Variants in SLC2A13 observed in about 807,000 individuals in gnomAD.
SLC2A13 encodes proton myo-inositol cotransporter.
A neutral mutation model predicts 64.4 loss-of-function variants in SLC2A13; 32 were observed. The ratio of observed to expected loss-of-function variants is 0.50; its 90% CI spans 0.37 to 0.67. The LOEUF is 0.67. SLC2A13 is among the 30% of genes least tolerant of loss of function. The pLI is 0.00. For missense variants in SLC2A13, 743 were observed against 829.2 expected (o/e 0.90, Z 1.28); for synonymous variants, 338 against 327.1 (o/e 1.03, Z -0.36).
intron 6 of SLC2A13, among the ~76,000 whole-genome samples, chr12:39,845,844 G>A (rs768428540): frequency 1.2e-4 from 19 of 152,108 alleles, no homozygotes; most frequent in Non-Finnish European, 2.2e-4. Flanking sequence ...ACCAATGTTA[G>A]CACACAGTGG....
intron 4 of SLC2A13, among the ~76,000 whole-genome samples, chr12:39,875,905 T>G (rs1400615131): frequency 6.6e-6 from 1 of 152,208 alleles, no homozygotes; most frequent in African/African-American, 2.4e-5. Flanking sequence ...TAGTTTGCAT[T>G]TTCAAGGGAC....
intron 1 of SLC2A13, among the ~76,000 whole-genome samples, chr12:40,079,236 C>T (rs1310351782): frequency 6.6e-6 from 1 of 152,096 alleles, no homozygotes; most frequent in Non-Finnish European, 1.5e-5. Flanking sequence ...TGAGCTCTAA[C>T]TTGATGTAAG....
Position 39,888,339 on chromosome 12 carries a change from C to G in SLC2A13, c.1035-16378G>C, listed in dbSNP as rs181075982. On this transcript the variant is annotated intron_variant, in intron 4 of 9. Transcript: ENST00000280871. ...TCCCAGGTTCAAGCAATTCTCCTGT[C>G]TCAGCTTCCCGAGCAGCTGGGACTA... 3.9e-3 allele frequency among the ~76,000 whole-genome samples: 591 copies of G among 152,320 alleles called. 2 individuals are homozygous for G. The highest frequency in any genetic ancestry group is 6.6e-3 in the Non-Finnish European group (449 of 68,040).
intron 1 of SLC2A13, among the ~76,000 whole-genome samples, chr12:40,094,487 AAAG>A (rs1163476761): frequency 2.0e-5 from 3 of 152,198 alleles, no homozygotes; most frequent in Non-Finnish European, 4.4e-5. Context: ...TCCAAAAGCC[AAAG>A]AAAATGGCCC....
chr12:39,760,744 G>T (rs1016022305), intron 9 of SLC2A13, among the ~76,000 whole-genome samples: 2 of 151,714 alleles, frequency 1.3e-5, no homozygotes, highest in Admixed American at 1.3e-4. Context: ...ATTTTGTTTT[G>T]CTGTAAGATT....
intron 1 of SLC2A13, among the ~76,000 whole-genome samples, chr12:40,061,118 A>T (rs1948413511): frequency 6.6e-6 from 1 of 152,126 alleles, no homozygotes; most frequent in South Asian, 2.1e-4. Flanking sequence ...CTTGAGAAAA[A>T]ATTGTATGAA....
At chr12:40,044,327 G>A (rs1490326202) in intron 2 of SLC2A13, among the ~76,000 whole-genome samples, 1 of 152,070 alleles carries the variant, frequency 6.6e-6, no homozygotes, top group Non-Finnish European at 1.5e-5. Flanking sequence ...TGGGGGGTTA[G>A]GGGGTGATGG....
chr12:39,823,481 G>C (rs554419983), intron 7 of SLC2A13, among the ~76,000 whole-genome samples: 317 of 152,172 alleles, frequency 2.1e-3, no homozygotes, highest in South Asian at 2.9e-3. Context: ...CTCTGTTTTT[G>C]CTATTTGATA....
At chr12:40,062,768 GACATTA>G (rs1592050588) in intron 1 of SLC2A13, among the ~76,000 whole-genome samples, 1 of 152,086 alleles carries the variant, frequency 6.6e-6, no homozygotes, top group African/African-American at 2.4e-5. Context: ...CTTCGAGGGT[GACATTA>G]ACATTAATTA....
At chr12:39,775,169 C>A (rs2135731686) in intron 7 of SLC2A13, among the ~76,000 whole-genome samples, 1 of 152,102 alleles carries the variant, frequency 6.6e-6, no homozygotes, top group South Asian at 2.1e-4. Flanking sequence ...TAAAAGTCTC[C>A]CACAATGGAA....
intron 6 of SLC2A13, among the ~76,000 whole-genome samples, chr12:39,859,293 A>T (rs2135913037): frequency 6.7e-6 from 1 of 150,086 alleles, no homozygotes; most frequent in Admixed American, 6.7e-5. Flanking sequence ...ACCAAAAAAA[A>T]AGAAAAAGAA....
At chr12:39,843,001 CT>C (rs1324091051) in intron 6 of SLC2A13, among the ~76,000 whole-genome samples, 3 of 151,804 alleles carry the variant, frequency 2.0e-5, no homozygotes, top group Non-Finnish European at 2.9e-5. Flanking sequence ...CTTCATGTAT[CT>C]ATTTGTCAGC....
In SLC2A13 at chr12:39,930,985, T is replaced by C. The variant is rs996539731; in HGVS notation, c.1034+20272A>G. 3.3e-5 allele frequency among the ~76,000 whole-genome samples: 5 copies of C among 152,346 alleles called. No individual in the cohort carries two copies. In the East Asian group the frequency reaches 7.7e-4, roughly 23 times the overall value. ...ATATACATGCAAACTAAGTGAGCAATATAATTTTAATAACCAAATTAATTC... is the reference window on the plus strand; with the variant it reads ...ATATACATGCAAACTAAGTGAGCAACATAATTTTAATAACCAAATTAATTC... On this transcript the variant is annotated intron_variant, in intron 4 of 9. Coordinates refer to ENST00000280871, the MANE Select transcript of SLC2A13 (RefSeq NM_052885.4).
intron 3 of SLC2A13, among the ~76,000 whole-genome samples, chr12:40,011,635 C>T (rs903525387): frequency 6.6e-6 from 1 of 152,124 alleles, no homozygotes; most frequent in Admixed American, 6.5e-5. Flanking sequence ...GTTTTTCAAC[C>T]CTTTCCTTCC....
intron 3 of SLC2A13, among the ~76,000 whole-genome samples, chr12:39,965,898 A>G (rs2136121349): frequency 6.6e-6 from 1 of 152,246 alleles, no homozygotes; most frequent in South Asian, 2.1e-4. Flanking sequence ...GGAATGATTA[A>G]CATTATTAAT....
intron 1 of SLC2A13, among the ~76,000 whole-genome samples, chr12:40,053,768 T>G (rs1948296045): frequency 6.6e-6 from 1 of 152,184 alleles, no homozygotes; most frequent in South Asian, 2.1e-4. Context: ...GGATCCGTGC[T>G]CAGTCTACTC....
chr12:39,968,656 A>G (rs1344355271), intron 3 of SLC2A13, among the ~76,000 whole-genome samples: 5 of 151,584 alleles, frequency 3.3e-5, no homozygotes, highest in Non-Finnish European at 7.4e-5. Context: ...CAATTCCGTC[A>G]CTTCTACATT....
intron 4 of SLC2A13, among the ~76,000 whole-genome samples, chr12:39,891,902 G>T (rs1159208952): frequency 6.6e-6 from 1 of 152,022 alleles, no homozygotes; most frequent in African/African-American, 2.4e-5. Context: ...AGTTGTCTAT[G>T]GTTTTTCTAA....
intron 3 of SLC2A13, among the ~76,000 whole-genome samples, chr12:39,995,577 T>G (rs1267852866): frequency 6.6e-6 from 1 of 152,198 alleles, no homozygotes. Context: ...ATCAAACTAT[T>G]AAAGATATAA....
Sources: gnomAD v4.1 joint callset for allele counts (sites outside exome capture counted in the v4.1 genomes callset) on GRCh38, gnomAD v4.1.1 for gene constraint, MANE v1.5 for transcripts, NCBI Gene and HGNC (gene_info 2026-07-23, HGNC 2026-07-21) for gene names.